Variants in YAP1 observed in about 807,000 individuals in gnomAD.
YAP1 encodes transcriptional coactivator YAP1.
YAP1 carries 5 observed loss-of-function variants against 56.9 expected under a neutral mutation model. That is an observed-to-expected ratio of 0.09 (90% confidence interval 0.05 to 0.18). YAP1 has a LOEUF of 0.18. YAP1 is among the 10% of genes least tolerant of loss of function. The pLI, the probability that YAP1 is intolerant of heterozygous loss-of-function variation, is 1.00. For missense variants in YAP1, 539 were observed against 651.8 expected (o/e 0.83, Z 1.88); for synonymous variants, 265 against 248.1 (o/e 1.07, Z -0.64).
rs1235249660 is a variant in YAP1 at position 102,110,729 on chromosome 11, AC to A, written c.-119del. 1 of 937,366 alleles carries A rather than the reference AC, an allele frequency of 1.1e-6. No individual in the cohort carries two copies. Among genetic ancestry groups the A allele is most frequent in the Non-Finnish European group, 1.4e-6 (1 of 735,332 alleles). The allele number at this position is 937,366 out of a possible 1,614,324, so 58.1% of individuals were successfully genotyped here. A position where few individuals can be genotyped will look rare whatever the true frequency, so the allele number is the denominator to read the frequency against. On this transcript the variant is annotated 5_prime_UTR_variant, in exon 1 of 9. Transcript: ENST00000282441. ...CAGCCCCCCGGCCCTGAGAGCGAGGACAGCGCCGCCCGGCCCGCAGCCGTCG... is the reference window on the plus strand; with the variant it reads ...CAGCCCCCCGGCCCTGAGAGCGAGGAAGCGCCGCCCGGCCCGCAGCCGTCG...
At chr11:102,206,667 A>C (rs1176191084) in intron 5 of YAP1, among the ~76,000 whole-genome samples, 4 of 151,944 alleles carry the variant, frequency 2.6e-5, no homozygotes. Context: ...ACTTAGCGAA[A>C]CCCCATCTCT....
At chr11:102,202,332 T>TG (rs1948908217) in intron 4 of YAP1, among the ~76,000 whole-genome samples, 1 of 89,084 alleles carries the variant, frequency 1.1e-5, no homozygotes, top group South Asian at 4.1e-4. Context: ...CACACCTGGC[T>TG]AATTTTTTTT....
At chr11:102,184,191 G>A (rs552565231) in intron 3 of YAP1, among the ~76,000 whole-genome samples, 1 of 152,100 alleles carries the variant, frequency 6.6e-6, no homozygotes, top group Non-Finnish European at 1.5e-5. Context: ...ATAGTCACAT[G>A]GTATTTTCAG....
chr11:102,186,783 G>C (rs796067459), intron 4 of YAP1: 1 of 138,800 alleles, frequency 7.2e-6, no homozygotes, highest in Admixed American at 7.2e-5. Flanking sequence ...TTTGATAAGG[G>C]TGTAACCAGT....
At position 102,156,310 on chromosome 11, in the gene YAP1, A is replaced by G. The variant is rs2135373475; in HGVS notation, c.573-6146A>G. Among the ~76,000 whole-genome samples, 2 of 152,308 alleles carry G rather than the reference A, an allele frequency of 1.3e-5. 1 individual carries two copies. The highest frequency in any genetic ancestry group is 4.2e-4 in the South Asian group (2 of 4,816). On this transcript the variant is annotated intron_variant, in intron 2 of 8. Transcript: ENST00000282441. ...CTGTATGTAAAGATCTGAGATTATGAAAGAACATGTAAAATTGCTAGGTCA... is the reference window on the plus strand; with the variant it reads ...CTGTATGTAAAGATCTGAGATTATGGAAGAACATGTAAAATTGCTAGGTCA...
intron 7 of YAP1, among the ~76,000 whole-genome samples, chr11:102,226,193 A>T (rs1591476745): frequency 1.3e-5 from 2 of 152,360 alleles, no homozygotes; most frequent in Middle Eastern, 6.8e-3. Context: ...AGGCCTTCTC[A>T]TATATGGCTG....
chr11:102,207,867 G>T (rs1031794009), intron 5 of YAP1, among the ~76,000 whole-genome samples: 1 of 152,186 alleles, frequency 6.6e-6, no homozygotes, highest in African/African-American at 2.4e-5. Context: ...ACTTGTTGGG[G>T]CTCAGAAAAT....
intron 2 of YAP1, among the ~76,000 whole-genome samples, chr11:102,135,171 A>T (rs1944602775): frequency 6.6e-6 from 1 of 152,018 alleles, no homozygotes; most frequent in East Asian, 1.9e-4. Context: ...TTAATTTTTA[A>T]TTTTTTGTAG....
At chr11:102,164,719 G>GT (rs906207669) in intron 3 of YAP1, among the ~76,000 whole-genome samples, 4 of 149,870 alleles carry the variant, frequency 2.7e-5, no homozygotes, top group Admixed American at 6.6e-5. Context: ...GTTTTAGTGG[G>GT]TTTTTTTGTT....
At chr11:102,200,549 A>T (rs1356188522) in intron 4 of YAP1, among the ~76,000 whole-genome samples, 1 of 149,832 alleles carries the variant, frequency 6.7e-6, no homozygotes, top group Admixed American at 6.7e-5. Context: ...TGTTCAAGTG[A>T]TTATCGTGCC....
At chr11:102,218,808 T>A (rs142269640) in intron 6 of YAP1, among the ~76,000 whole-genome samples, 52 of 152,324 alleles carry the variant, frequency 3.4e-4, no homozygotes, top group African/African-American at 1.2e-3. Flanking sequence ...ATCTGCATAG[T>A]TGGTTCTGCA....
At position 102,185,949 on chromosome 11, in the gene YAP1, C is replaced by T. The variant is rs1334561635; in HGVS notation, c.689-69C>T. 18 of 1,420,436 alleles carry T rather than the reference C, an allele frequency of 1.3e-5. No homozygotes were observed. In the South Asian group the frequency reaches 2.1e-4, roughly 17 times the overall value. 88.0% of individuals were successfully genotyped at this position (1,420,436 alleles called of 1,614,324 possible). On this transcript the variant is annotated intron_variant, in intron 3 of 8. Transcript: ENST00000282441. ...GATGTGTTTTCTTTTTAAATTAGTA[C>T]CCCCTCCCACTTTTTTTTAGGTGCA...
chr11:102,127,214 C>G (rs181482874), intron 2 of YAP1, among the ~76,000 whole-genome samples: 1 of 152,304 alleles, frequency 6.6e-6, no homozygotes, highest in Admixed American at 6.5e-5. Context: ...TAATGTTAAT[C>G]CCCAAGACCA....
chr11:102,181,487 T>C (rs1947621781), intron 3 of YAP1, among the ~76,000 whole-genome samples: 1 of 152,098 alleles, frequency 6.6e-6, no homozygotes, highest in Non-Finnish European at 1.5e-5. Context: ...TAATAACTCC[T>C]ATGGGTCACA....
At chr11:102,144,534 G>A (rs1272100390) in intron 2 of YAP1, among the ~76,000 whole-genome samples, 2 of 152,146 alleles carry the variant, frequency 1.3e-5, no homozygotes, top group African/African-American at 4.8e-5. Flanking sequence ...TATTTCAAAT[G>A]AGAGCTCATG....
At chr11:102,169,731 T>C (rs7925133) in intron 3 of YAP1, among the ~76,000 whole-genome samples, 136,514 of 152,190 alleles carry the variant, frequency 0.9, 63,070 homozygotes, top group East Asian at 1. Flanking sequence ...AAAAATAGTA[T>C]AAGGAAAAGC....
At chr11:102,144,886 ACTCATGCTCACACACT>A (rs1565455081) in intron 2 of YAP1, among the ~76,000 whole-genome samples, 2 of 149,494 alleles carry the variant, frequency 1.3e-5, no homozygotes, top group Admixed American at 6.7e-5. Context: ...ACATACACAC[ACTCATGCTCACACACT>A]CATGCTCACA....
rs188657864 is a variant in YAP1, at chr11:102,223,975, C to T, written c.1163+223C>T. Among the ~76,000 whole-genome samples, 7 of 152,304 alleles carry T rather than the reference C, an allele frequency of 4.6e-5. No individual in the cohort carries two copies. The East Asian group carries it at 1.3e-3, about 29-fold the overall frequency. Reference sequence around the variant, plus strand: ...CAGACTTGTACAAGGGATACTTATTCAAAGTCATGACGTGTTTGCTTCTGC... The same window carrying T: ...CAGACTTGTACAAGGGATACTTATTTAAAGTCATGACGTGTTTGCTTCTGC... On this transcript the variant is annotated intron_variant, in intron 7 of 8. Coordinates refer to ENST00000282441, the MANE Select transcript of YAP1 (RefSeq NM_001130145.3).
chr11:102,117,253 C>G (rs1676298212), intron 2 of YAP1, among the ~76,000 whole-genome samples: 1 of 152,054 alleles, frequency 6.6e-6, no homozygotes, highest in Non-Finnish European at 1.5e-5. Context: ...ATATACTTTC[C>G]TCTTGTATCT....
Sources: allele counts gnomAD v4.1 joint callset (sites outside exome capture counted in the v4.1 genomes callset), GRCh38; gene constraint gnomAD v4.1.1; transcripts MANE v1.5; gene names NCBI Gene and HGNC (gene_info 2026-07-23, HGNC 2026-07-21).